Variants in OTUD5 observed in about 807,000 individuals in gnomAD.
The protein encoded by OTUD5 is OTU domain-containing protein 5.
A neutral mutation model predicts 36.3 loss-of-function variants in OTUD5; 2 were observed. The observed-to-expected ratio is 0.06, with a 90% CI of 0.02 to 0.17. The LOEUF is 0.17. OTUD5 is among the 10% of genes least tolerant of loss of function. The probability of loss-of-function intolerance (pLI) is 1.00; values close to 1 mark genes in which losing one functional copy is unlikely to be tolerated. For missense variants in OTUD5, 233 were observed against 512.3 expected, an observed-to-expected ratio of 0.45 and a Z score of 5.26; for synonymous variants, 234 against 214.9, an observed-to-expected ratio of 1.09 and a Z score of -0.78.
intron 1 of OTUD5, among the ~76,000 whole-genome samples, chrX:48,955,821 T>C (rs140048430): frequency 1.1e-3 from 126 of 111,436 alleles, no homozygotes; most frequent in African/African-American, 4.0e-3. Context: ...GGGTCACATA[T>C]GCTCGTGGGG....
intron 5 of OTUD5, among the ~76,000 whole-genome samples, chrX:48,933,937 A>G (rs1235673939): frequency 3.6e-5 from 4 of 111,391 alleles, no homozygotes; most frequent in African/African-American, 1.3e-4. Context: ...ATGAATGAGA[A>G]TCTATCGGTA....
At chrX:48,940,837 G>A (rs1406272068) in intron 2 of OTUD5, 1 of 112,259 alleles carries the variant, frequency 8.9e-6, no homozygotes, top group African/African-American at 3.2e-5. Flanking sequence ...ATAAGAGGAG[G>A]TGGGAGAGAA....
At chrX:48,942,337 C>CACACACAT (rs58321237) in intron 2 of OTUD5, among the ~76,000 whole-genome samples, 1 of 104,430 alleles carries the variant, frequency 9.6e-6, no homozygotes, top group Non-Finnish European at 2.0e-5. Context: ...CACACACACA[C>CACACACAT]GGCTCTTGAT....
At chrX:48,944,410 C>T in intron 1 of OTUD5, 127 bp from the exon 2 acceptor site, 1 of 470,068 alleles carries the variant, frequency 2.1e-6, no homozygotes, top group Non-Finnish European at 3.8e-6. Context: ...AAGTTCTCAG[C>T]CCTGTTTGAC....
intron 5 of OTUD5, among the ~76,000 whole-genome samples, chrX:48,930,404 A>G (rs1296587232): frequency 2.7e-5 from 3 of 112,093 alleles, no homozygotes; most frequent in African/African-American, 9.7e-5. Context: ...GAACAAGGGG[A>G]GAAGGCTAGA....
rs1380054831 is a variant in OTUD5 at position 48,922,978 on chromosome X, G to A, written c.*196C>T. ...GCAACAGGGCACATCAGCTGGCAGA[G>A]AGACAGGTGATAGTGGCAGCGGCAA... is the stretch of plus-strand genomic sequence containing the variant. On this transcript the variant is annotated 3_prime_UTR_variant, in exon 9 of 9. Transcript: ENST00000376488. The A allele has an allele frequency of 1.9e-6, 2 of 1,074,247 alleles. No individual in the cohort carries two copies. The highest frequency in any genetic ancestry group is 2.3e-5 in the South Asian group (1 of 42,666). 88.5% of individuals were successfully genotyped at this position (1,074,247 alleles called of 1,213,427 possible).
At chrX:48,938,064 A>G (rs1459816619) in intron 2 of OTUD5, among the ~76,000 whole-genome samples, 3 of 112,161 alleles carry the variant, frequency 2.7e-5, no homozygotes, top group African/African-American at 9.7e-5. Flanking sequence ...GCTTCATAAA[A>G]CAGGGTCCTA....
intron 6 of OTUD5, among the ~76,000 whole-genome samples, chrX:48,925,136 G>A (rs1164378276): frequency 9.1e-6 from 1 of 109,922 alleles, no homozygotes; most frequent in Non-Finnish European, 1.9e-5. Context: ...AAATTAGCCA[G>A]GCGTGGTGGT....
At chrX:48,946,098 C>G (rs1170186453) in intron 1 of OTUD5, among the ~76,000 whole-genome samples, 1 of 111,232 alleles carries the variant, frequency 9.0e-6, no homozygotes, top group Non-Finnish European at 1.9e-5. Flanking sequence ...ATCCGTAAGG[C>G]CATTTTTCCC....
chrX:48,951,614 CA>C lies in OTUD5; in HGVS notation c.594+5362del, dbSNP rs1193258867. ...TGGGGGACAGAGTGAGACTCCATCT[CA>C]AAAAAAAACACACACAGGCAACCCA... On this transcript the variant is annotated intron_variant, in intron 1 of 8. Transcript: ENST00000376488. Among the ~76,000 whole-genome samples, 134 of 105,209 alleles carry C rather than the reference CA, an allele frequency of 1.3e-3. 1 individual carries two copies. The highest frequency in any genetic ancestry group is 2.0e-3 in the Non-Finnish European group (99 of 50,763). 91.4% of individuals were successfully genotyped at this position (105,209 alleles called of 115,157 possible). A position where few individuals can be genotyped will look rare whatever the true frequency, so the allele number is the denominator to read the frequency against.
At position 48,957,523 on chromosome X, in the gene OTUD5, G is replaced by A; in HGVS notation, c.48C>T (p.Pro16=). 3 of 827,764 alleles carry A rather than the reference G, an allele frequency of 3.6e-6. No homozygotes were observed. The highest frequency in any genetic ancestry group is 4.4e-6 in the Non-Finnish European group (3 of 678,600). 68.2% of individuals were successfully genotyped at this position (827,764 alleles called of 1,213,427 possible). A position where few individuals can be genotyped will look rare whatever the true frequency, so the allele number is the denominator to read the frequency against. ...GCCCGGGCGGCGGCGGCTCGTTGGC[G>A]GGGTCGGCGTCGGGAGGCGGCGGCT... ...KKKPPPPDAD[P]ANEPPPPGPM... The change falls in exon 1 of 9, where the codon CCC becomes CCT. Residue 16 remains proline (P), a synonymous_variant. Transcript: ENST00000376488.
At chrX:48,957,889 G>C (rs1178355329), upstream of OTUD5, 3 of 684,760 alleles carry the variant, frequency 4.4e-6, no homozygotes, top group Middle Eastern at 8.5e-4. Flanking sequence ...CTGCTTCAAA[G>C]GAAACAGAAC....
intron 1 of OTUD5, 28 bp from the exon 2 acceptor site, chrX:48,944,311 C>G (rs1557051864): frequency 9.8e-7 from 1 of 1,022,360 alleles, no homozygotes; most frequent in Non-Finnish European, 1.4e-6. Flanking sequence ...GGGTCAGCAA[C>G]AGGGAAAACC....
chrX:48,938,519 C>T (rs1402584792), intron 2 of OTUD5, among the ~76,000 whole-genome samples: 3 of 109,970 alleles, frequency 2.7e-5, no homozygotes, highest in East Asian at 2.9e-4. Context: ...ATGGTGAAAC[C>T]CTATCTCTAC....
chrX:48,927,468 G>A (rs2063684694), intron 5 of OTUD5, among the ~76,000 whole-genome samples: 2 of 112,026 alleles, frequency 1.8e-5, no homozygotes, highest in African/African-American at 6.5e-5. Flanking sequence ...TATAAATTGG[G>A]ATTCCCACAA....
chrX:48,935,793 G>A (rs2063820005), intron 2 of OTUD5, among the ~76,000 whole-genome samples: 1 of 109,609 alleles, frequency 9.1e-6, no homozygotes, highest in Admixed American at 9.8e-5. Context: ...ACAAAAATTA[G>A]CCGGGCATGG....
chrX:48,950,321 T>C (rs1557053488), intron 1 of OTUD5, among the ~76,000 whole-genome samples: 1 of 109,877 alleles, frequency 9.1e-6, no homozygotes, highest in East Asian at 2.8e-4. Context: ...AAACCACATA[T>C]ACAGAGAAGG....
At chrX:48,939,299 A>C (rs2147608944) in intron 2 of OTUD5, among the ~76,000 whole-genome samples, 1 of 110,928 alleles carries the variant, frequency 9.0e-6, no homozygotes, top group African/African-American at 3.3e-5. Context: ...CACCAGCACA[A>C]GCAGGAATCA....
At chrX:48,942,408 G>T (rs2063950189) in intron 2 of OTUD5, among the ~76,000 whole-genome samples, 1 of 109,183 alleles carries the variant, frequency 9.2e-6, no homozygotes, top group Non-Finnish European at 1.9e-5. Flanking sequence ...CTCAATGACT[G>T]CCCAAGACTC....
Sources: gnomAD v4.1 joint callset for allele counts (sites outside exome capture counted in the v4.1 genomes callset) on GRCh38, gnomAD v4.1.1 for gene constraint, MANE v1.5 for transcripts, NCBI Gene and HGNC (gene_info 2026-07-23, HGNC 2026-07-21) for gene names.